Variants in DLGAP2 observed in about 807,000 individuals in gnomAD.
The protein encoded by DLGAP2 is DLG associated protein 2, also known as disks large-associated protein 2.
Under a neutral mutation model 100.3 loss-of-function variants are expected in DLGAP2, and 26 were observed. The observed-to-expected ratio is 0.26, with a 90% confidence interval of 0.19 to 0.36. The LOEUF (loss-of-function observed/expected upper bound fraction) is 0.36. DLGAP2 is among the 10% of genes least tolerant of loss of function. The probability of loss-of-function intolerance (pLI) is 1.00; values close to 1 mark genes in which losing one functional copy is unlikely to be tolerated. For synonymous variants in DLGAP2, 886 were observed against 630.1 expected (o/e 1.41, Z -6.08); for missense variants, 1,858 against 1,453.2 (o/e 1.28, Z -4.53).
At position 926,964 on chromosome 8, in the gene DLGAP2, C is replaced by T. The variant is rs1029040723; in HGVS notation, c.73+18998C>T. The T allele has an allele frequency of 1.2e-5, 11 of 942,578 alleles. No individual in the cohort carries two copies. In the Admixed American group the frequency reaches 3.1e-4, roughly 26 times the overall value. The allele number at this position is 942,578 out of a possible 1,614,324, so 58.4% of individuals were successfully genotyped here. A position where few individuals can be genotyped will look rare whatever the true frequency, so the allele number is the denominator to read the frequency against. ...CTCTGCGCTGTGGGGGTGGGGACAG[C>T]GTGGGGGGAAGCCAGGAAAAGCCGG... is the stretch of plus-strand genomic sequence containing the variant. On this transcript the variant is annotated intron_variant, in intron 2 of 14. Coordinates refer to ENST00000637795, the MANE Select transcript of DLGAP2 (RefSeq NM_001346810.2).
chr8:834,064 T>G (rs1281731152), intron 1 of DLGAP2, among the ~76,000 whole-genome samples: 1 of 152,106 alleles, frequency 6.6e-6, no homozygotes, highest in Admixed American at 6.5e-5. Context: ...TGGGATTCAT[T>G]AGGGGAAGCA....
At chr8:1,197,257 G>A (rs62486889) in intron 2 of DLGAP2, among the ~76,000 whole-genome samples, 30,520 of 152,066 alleles carry the variant, frequency 0.2, 3,205 homozygotes, top group East Asian at 0.35. Context: ...AGACACACCC[G>A]GAAGTCATGT....
At chr8:749,872 C>G (rs1820747550) in intron 1 of DLGAP2, among the ~76,000 whole-genome samples, 1 of 152,202 alleles carries the variant, frequency 6.6e-6, no homozygotes, top group Admixed American at 6.5e-5. Flanking sequence ...CCCCTCCTCT[C>G]CTGGCTTCTG....
intron 2 of DLGAP2, among the ~76,000 whole-genome samples, chr8:923,723 T>C (rs1327571373): frequency 6.6e-6 from 1 of 152,198 alleles, no homozygotes; most frequent in Non-Finnish European, 1.5e-5. Context: ...CCTGTGCTTG[T>C]ATCAGATGTC....
intron 3 of DLGAP2, among the ~76,000 whole-genome samples, chr8:1,351,641 G>T (rs548236980): frequency 1.5e-5 from 1 of 68,828 alleles, no homozygotes; most frequent in Admixed American, 1.8e-4. Context: ...CTGAGTGTGC[G>T]TGGAAAGGCC....
At chr8:1,494,838 C>T (rs1321187938) in intron 3 of DLGAP2, among the ~76,000 whole-genome samples, 1 of 152,180 alleles carries the variant, frequency 6.6e-6, no homozygotes, top group Non-Finnish European at 1.5e-5. Context: ...GGGGTTGAGG[C>T]TCAGCTTCAC....
chr8:1,630,246 GA>G (rs1316477197), intron 7 of DLGAP2, among the ~76,000 whole-genome samples: 57 of 152,146 alleles, frequency 3.7e-4, no homozygotes, highest in Admixed American at 3.7e-3. Flanking sequence ...GTCACACCCA[GA>G]AACAAACTTC....
At chr8:1,166,837 A>G (rs76108608) in intron 2 of DLGAP2, among the ~76,000 whole-genome samples, 2 of 152,192 alleles carry the variant, frequency 1.3e-5, no homozygotes, top group Non-Finnish European at 2.9e-5. Context: ...TTTTCTACAT[A>G]TGGATAATGA....
chr8:1,528,523 G>A (rs1001216964), intron 4 of DLGAP2, among the ~76,000 whole-genome samples: 1 of 152,350 alleles, frequency 6.6e-6, no homozygotes, highest in African/African-American at 2.4e-5. Flanking sequence ...TGACAGAAAT[G>A]TAGATTCTCA....
At chr8:905,934 G>A (rs2128998410) in intron 1 of DLGAP2, among the ~76,000 whole-genome samples, 1 of 152,336 alleles carries the variant, frequency 6.6e-6, no homozygotes, top group East Asian at 1.9e-4. Flanking sequence ...CAGCGATGGT[G>A]ATAGAGTCCC....
intron 4 of DLGAP2, among the ~76,000 whole-genome samples, chr8:1,528,519 A>G (rs1800871850): frequency 6.6e-6 from 1 of 152,234 alleles, no homozygotes; most frequent in African/African-American, 2.4e-5. Context: ...AACTTGACAG[A>G]AATGTAGATT....
chr8:1,057,345 A>T (rs1802913479), intron 2 of DLGAP2, among the ~76,000 whole-genome samples: 1 of 152,240 alleles, frequency 6.6e-6, no homozygotes, highest in Admixed American at 6.5e-5. Flanking sequence ...TTAACACAGG[A>T]AAATTTGAAT....
chr8:1,171,155 G>A (rs1451196752), intron 2 of DLGAP2, among the ~76,000 whole-genome samples: 2 of 152,176 alleles, frequency 1.3e-5, no homozygotes, highest in Admixed American at 1.3e-4. Context: ...TAGTCCTTCA[G>A]GAGAAGGTTG....
At chr8:1,273,239 T>G (rs1342827022) in intron 3 of DLGAP2, among the ~76,000 whole-genome samples, 1 of 152,108 alleles carries the variant, frequency 6.6e-6, no homozygotes, top group Non-Finnish European at 1.5e-5. Flanking sequence ...CACCCTAATA[T>G]CCAGTACTTG....
intron 2 of DLGAP2, among the ~76,000 whole-genome samples, chr8:1,193,023 T>G (rs1406723083): frequency 3.9e-5 from 6 of 152,294 alleles, no homozygotes; most frequent in African/African-American, 1.4e-4. Context: ...TATGGCTGCA[T>G]AGTATTCCAT....
intron 3 of DLGAP2, among the ~76,000 whole-genome samples, chr8:1,413,781 G>T (rs10093901): frequency 2.0e-5 from 3 of 152,090 alleles, no homozygotes; most frequent in Non-Finnish European, 4.4e-5. Context: ...GATTGTGCAG[G>T]TCTCACAAAG....
intron 2 of DLGAP2, among the ~76,000 whole-genome samples, chr8:1,131,427 T>C (rs1365639001): frequency 6.6e-6 from 1 of 152,170 alleles, no homozygotes; most frequent in Non-Finnish European, 1.5e-5. Flanking sequence ...CACTCTGTGC[T>C]CATGTAGGGG....
At chr8:1,688,810 C>A (rs1232875838) in intron 12 of DLGAP2, among the ~76,000 whole-genome samples, 1 of 152,198 alleles carries the variant, frequency 6.6e-6, no homozygotes, top group Non-Finnish European at 1.5e-5. Flanking sequence ...ATGAGGGAGG[C>A]ACCGCACACA....
chr8:936,507 GA>G (rs1799074703), intron 2 of DLGAP2, among the ~76,000 whole-genome samples: 1 of 152,316 alleles, frequency 6.6e-6, no homozygotes, highest in African/African-American at 2.4e-5. Context: ...ACTAGAGCAG[GA>G]CGCATGGCTC....
Sources: allele counts gnomAD v4.1 joint callset (sites outside exome capture counted in the v4.1 genomes callset), GRCh38; gene constraint gnomAD v4.1.1; transcripts MANE v1.5; gene names NCBI Gene and HGNC (gene_info 2026-07-23, HGNC 2026-07-21).